FCGRT: variants seen among roughly 807,000 people sequenced by gnomAD.
FCGRT encodes the protein IgG receptor FcRn large subunit p51.
Under a neutral mutation model 35.7 loss-of-function variants are expected in FCGRT, and 13 were observed. The observed-to-expected ratio is 0.36, with a 90% CI of 0.24 to 0.58. The LOEUF (loss-of-function observed/expected upper bound fraction) is 0.58, where lower values mean the gene tolerates loss of function less well. FCGRT is among the 20% of genes least tolerant of loss of function. The pLI is 0.77. For synonymous variants in FCGRT, 233 were observed against 216.5 expected (o/e 1.08, Z -0.67); for missense variants, 455 against 474.9 (o/e 0.96, Z 0.39).
At chr19:49,519,982 C>T (rs2080031222) in intron 4 of FCGRT, among the ~76,000 whole-genome samples, 1 of 150,914 alleles carries the variant, frequency 6.6e-6, no homozygotes, top group Non-Finnish European at 1.5e-5. Flanking sequence ...AGGTGCGTGC[C>T]ACCATGCCTG....
chr19:49,524,874 C>G, intron 5 of FCGRT, 98 bp downstream of exon 5: 1 of 1,184,540 alleles, frequency 8.4e-7, no homozygotes, highest in Non-Finnish European at 1.2e-6. Context: ...CCCACTGCTG[C>G]CACCTCCTTG....
At chr19:49,525,758 CGGG>C (rs1167684685) in intron 6 of FCGRT, among the ~76,000 whole-genome samples, 185 bp downstream of exon 6, 3 of 147,062 alleles carry the variant, frequency 2.0e-5, no homozygotes, top group Non-Finnish European at 3.0e-5. Flanking sequence ...GACCCAGAGA[CGGG>C]GGAACAGAGA....
At position 49,525,495 on chromosome 19, in the gene FCGRT, G is replaced by C. The variant is rs552700082; in HGVS notation, c.910G>C (p.Val304Leu). The change falls in exon 6 of 7, where the codon GTC (valine) becomes CTC (leucine). Residue 304 changes from valine (V) to leucine (L), a missense_variant. Physicochemically the swap from Val to Leu is conservative, Grantham distance 32 (BLOSUM62 1). Coordinates refer to ENST00000221466, the MANE Select transcript of FCGRT (RefSeq NM_001136019.3). ...GTCCTCCGTGCTCGTGGTGGGAATC[G>C]TCATCGGTGTCTTGCTACTCACGGC... ...AKSSVLVVGI[V>L]IGVLLLTAAA... 1.2e-6 allele frequency: 2 copies of C among 1,613,904 alleles called. No individual in the cohort carries two copies. The highest frequency in any genetic ancestry group is 1.7e-6 in the Non-Finnish European group (2 of 1,179,942).
chr19:49,514,603 C>T (rs1385694462), intron 4 of FCGRT, 117 bp downstream of exon 4: 2 of 1,025,002 alleles, frequency 2.0e-6, no homozygotes, highest in African/African-American at 1.6e-5. Flanking sequence ...GCTCTGCCCC[C>T]CCATTCCTCA....
At chr19:49,513,251 G>A (rs986126095) in intron 1 of FCGRT, 136 bp from the exon 2 acceptor site, 2 of 400,894 alleles carry the variant, frequency 5.0e-6, no homozygotes, top group African/African-American at 2.1e-5. Flanking sequence ...CAGGTACGAG[G>A]AGGGCATTGT....
rs2080076705 is a variant in FCGRT, at chr19:49,526,215, G to A, written c.*96G>A. 3 of 827,588 alleles carry A rather than the reference G, an allele frequency of 3.6e-6. No individual in the cohort carries two copies. The highest frequency in any genetic ancestry group is 3.8e-5 in the Admixed American group (2 of 52,492). The allele number at this position is 827,588 out of a possible 1,614,324, so 51.3% of individuals were successfully genotyped here. ...ACTGGCATCTCTGAGCCTCCAGAAG[G>A]GGTTCTGGGCCTAGTTGTCCTCCCT... On this transcript the variant is annotated 3_prime_UTR_variant, in exon 7 of 7. Transcript: ENST00000221466.
At chr19:49,513,724 C>T in intron 2 of FCGRT, 158 bp from the exon 3 acceptor site, 1 of 602,270 alleles carries the variant, frequency 1.7e-6, no homozygotes. Flanking sequence ...GTCTCTCTCT[C>T]TCTGGGTCTC....
chr19:49,516,101 C>A (rs1359673777), intron 4 of FCGRT: 6 of 443,640 alleles, frequency 1.4e-5, no homozygotes, highest in South Asian at 9.6e-5. Context: ...CATTCACCCT[C>A]TGTGGCTCCC....
chr19:49,517,493 A>C (rs2122675076), intron 4 of FCGRT, among the ~76,000 whole-genome samples: 1 of 152,090 alleles, frequency 6.6e-6, no homozygotes, highest in South Asian at 2.1e-4. Flanking sequence ...TCTGTCTCAA[A>C]GAAAGAAGGA....
intron 4 of FCGRT, among the ~76,000 whole-genome samples, chr19:49,514,755 G>A (rs12459953): frequency 0.061 from 9,097 of 148,794 alleles, 387 homozygotes; most frequent in Middle Eastern, 0.12. Flanking sequence ...GTGTAATGGC[G>A]CGATCTCGGC....
rs751837563 is a variant in FCGRT, at chr19:49,513,994, T to C, written c.186T>C (p.Asn62=). 2.5e-6 allele frequency: 4 copies of C among 1,613,442 alleles called. No individual in the cohort carries two copies. Among genetic ancestry groups the C allele is most frequent in the African/African-American group, 1.3e-5 (1 of 74,840 alleles). ...WLGPQQYLSY[N]SLRGEAEPCG... ...GCCCGCAGCAGTACCTGAGCTACAATAGCCTGCGGGGCGAGGCGGAGCCCT... is the reference window on the plus strand; with the variant it reads ...GCCCGCAGCAGTACCTGAGCTACAACAGCCTGCGGGGCGAGGCGGAGCCCT... The change falls in exon 3 of 7, where the codon AAT becomes AAC. Residue 62 remains asparagine, a synonymous_variant. Coordinates refer to ENST00000221466, the MANE Select transcript of FCGRT (RefSeq NM_001136019.3).
chr19:49,524,923 C>T (rs1221416887), intron 5 of FCGRT, 147 bp downstream of exon 5: 1 of 826,042 alleles, frequency 1.2e-6, no homozygotes, highest in Non-Finnish European at 2.0e-6. Context: ...TCAGTGCCCC[C>T]AAAACCTGAT....
intron 4 of FCGRT, among the ~76,000 whole-genome samples, chr19:49,520,447 G>A (rs1166279608): frequency 6.6e-6 from 1 of 151,454 alleles, no homozygotes; most frequent in Non-Finnish European, 1.5e-5. Context: ...CTGGATTCAA[G>A]TGATCCTCCT....
intron 4 of FCGRT, among the ~76,000 whole-genome samples, chr19:49,524,081 C>T (rs922590928): frequency 1.5e-4 from 23 of 150,886 alleles, no homozygotes; most frequent in Middle Eastern, 3.4e-3. Flanking sequence ...TGCAGTGGCA[C>T]GATCCTGGCT....
chr19:49,525,010 T>G, intron 5 of FCGRT: 11 of 659,524 alleles, frequency 1.7e-5, no homozygotes, highest in East Asian at 6.0e-5. Context: ...AGCTGTTAAC[T>G]ACCATGGCCA....
intron 2 of FCGRT, 33 bp downstream of exon 2, chr19:49,513,506 A>AGGCGGGC: frequency 8.2e-7 from 1 of 1,218,074 alleles, no homozygotes; most frequent in Non-Finnish European, 1.0e-6. Flanking sequence ...GCCCTGCTGC[A>AGGCGGGC]GGCGGGCGGC....
Position 49,514,020 on chromosome 19 carries a change from G to A in FCGRT, c.212G>A (p.Cys71Tyr), listed in dbSNP as rs151255924. 819 of 1,612,842 alleles carry A rather than the reference G, an allele frequency of 5.1e-4. 4 individuals carry two copies. The highest frequency in any genetic ancestry group is 4.9e-4 in the Middle Eastern group (3 of 6,062). Reference sequence around the variant, plus strand: ...AGCCTGCGGGGCGAGGCGGAGCCCTGTGGAGCTTGGGTCTGGGAAAACCAG... The same window carrying A: ...AGCCTGCGGGGCGAGGCGGAGCCCTATGGAGCTTGGGTCTGGGAAAACCAG... Reference protein sequence around the residue: ...YNSLRGEAEPCGAWVWENQVS... With the variant: ...YNSLRGEAEPYGAWVWENQVS... The change falls in exon 3 of 7, where the codon TGT (cysteine) becomes TAT (tyrosine). Residue 71 changes from cysteine to tyrosine, a missense_variant. By Grantham distance (194) the Cys-to-Tyr change is radical (BLOSUM62 -2). This residue lies in a region of FCGRT where 136 missense variants were observed against 158.9 expected (regional missense o/e 0.86). Coordinates refer to ENST00000221466, the MANE Select transcript of FCGRT (RefSeq NM_001136019.3).
At position 49,514,282 on chromosome 19, in the gene FCGRT, T is replaced by G; in HGVS notation, c.397T>G (p.Phe133Val). The change falls in exon 4 of 7, where the codon TTC becomes GTC. Residue 133 changes from phenylalanine (F) to valine (V), a missense_variant. By Grantham distance (50) the Phe-to-Val change is conservative. Transcript: ENST00000221466. ...PDNTSVPTAK[F>V]ALNGEEFMNF... The stretch of plus-strand genomic sequence containing the variant: ...CAACACCTCGGTGCCCACCGCCAAG[T>G]TCGCCCTGAACGGCGAGGAGTTCAT... 6.2e-7 allele frequency: 1 copy of G among 1,612,024 alleles called. No homozygotes were observed.
At chr19:49,525,291 C>T in intron 5 of FCGRT, 166 bp from the exon 6 acceptor site, 3 of 662,948 alleles carry the variant, frequency 4.5e-6, no homozygotes, top group South Asian at 3.2e-5. Context: ...TACGTCCAAC[C>T]TGGGGGCAGT....
Sources: gnomAD v4.1 joint callset for allele counts (sites outside exome capture counted in the v4.1 genomes callset) on GRCh38, gnomAD v4.1.1 for gene constraint, gnomAD v4.1.1 regional missense constraint, MANE v1.5 for transcripts, NCBI Gene and HGNC (gene_info 2026-07-23, HGNC 2026-07-21) for gene names.